Variants in PLD1 observed in about 807,000 individuals in gnomAD.
The protein encoded by PLD1 is phospholipase D1.
Under a neutral mutation model 137.1 loss-of-function variants are expected in PLD1, and 112 were observed. The ratio of observed to expected loss-of-function variants is 0.82; its 90% CI spans 0.70 to 0.96. The LOEUF is 0.96. Among genes scored for constraint, PLD1 ranks in the 40% least tolerant of loss-of-function variants. PLD1 has a pLI of 0.00. For missense variants in PLD1, 1,321 were observed against 1,342.0 expected (o/e 0.98, Z 0.24); for synonymous variants, 431 against 454.7 (o/e 0.95, Z 0.66).
intron 6 of PLD1, among the ~76,000 whole-genome samples, chr3:171,730,931 G>A (rs1035919761): frequency 1.8e-4 from 27 of 152,132 alleles, no homozygotes; most frequent in African/African-American, 4.1e-4. Context: ...GAGCCACTGC[G>A]CCCAGCCCTG....
chr3:171,635,962 C>CTTTTTTTTTT (rs1481093699), intron 23 of PLD1, among the ~76,000 whole-genome samples: 2 of 37,104 alleles, frequency 5.4e-5, no homozygotes, highest in Non-Finnish European at 1.2e-4. Flanking sequence ...AGGGGTTCAA[C>CTTTTTTTTTT]TTCTTTTTTT....
intron 23 of PLD1, among the ~76,000 whole-genome samples, chr3:171,639,583 C>CATATAATATATATTT (rs1560170054): frequency 1.5e-5 from 1 of 66,784 alleles, no homozygotes; most frequent in Non-Finnish European, 2.7e-5. Context: ...AATATATATT[C>CATATAATATATATTT]ATATAATATA....
At chr3:171,808,263 G>A (rs542847805) in intron 1 of PLD1, among the ~76,000 whole-genome samples, 2 of 152,162 alleles carry the variant, frequency 1.3e-5, no homozygotes, top group Non-Finnish European at 1.5e-5. Context: ...AGGGTCGGGT[G>A]CAGTGGCTCA....
intron 19 of PLD1, among the ~76,000 whole-genome samples, chr3:171,665,752 A>C (rs1432467806): frequency 6.6e-6 from 1 of 152,090 alleles, no homozygotes; most frequent in Admixed American, 6.6e-5. Context: ...GGAGAGCATA[A>C]TAAGAAAAAG....
intron 8 of PLD1, chr3:171,721,611 T>A (rs1718132004): frequency 6.6e-6 from 1 of 152,354 alleles, no homozygotes; most frequent in African/African-American, 2.4e-5. Context: ...GTGGTTGGCA[T>A]GTAGCAGCTG....
chr3:171,605,994 TTACATA>T (rs1732171820), intron 25 of PLD1, among the ~76,000 whole-genome samples: 1 of 152,216 alleles, frequency 6.6e-6, no homozygotes, highest in Non-Finnish European at 1.5e-5. Context: ...AGAATCTGAC[TTACATA>T]TTAAAATACG....
At chr3:171,774,700 C>T (rs1304883274) in intron 1 of PLD1, among the ~76,000 whole-genome samples, 1 of 152,156 alleles carries the variant, frequency 6.6e-6, no homozygotes, top group Non-Finnish European at 1.5e-5. Context: ...CCGTAAACCC[C>T]GCAGCAGCAT....
At chr3:171,802,496 T>C (rs562425082) in intron 1 of PLD1, among the ~76,000 whole-genome samples, 2 of 152,182 alleles carry the variant, frequency 1.3e-5, no homozygotes, top group South Asian at 2.1e-4. Context: ...TTAGGAGAAG[T>C]GTGCTCCAGG....
intron 12 of PLD1, among the ~76,000 whole-genome samples, chr3:171,692,777 G>A (rs1157321323): frequency 2.6e-5 from 4 of 151,982 alleles, no homozygotes; most frequent in South Asian, 2.1e-4. Flanking sequence ...CGCCTCAGCC[G>A]CTCAAAGTGC....
chr3:171,693,292 G>A (rs951100676), intron 12 of PLD1, among the ~76,000 whole-genome samples: 3 of 152,138 alleles, frequency 2.0e-5, no homozygotes, highest in Non-Finnish European at 2.9e-5. Flanking sequence ...TTCTTACGAC[G>A]TCTGCACATT....
At chr3:171,735,435 C>T in intron 4 of PLD1, 57 bp downstream of exon 4, 1 of 1,478,882 alleles carries the variant, frequency 6.8e-7, no homozygotes, top group Non-Finnish European at 9.5e-7. Context: ...CACACCCAGA[C>T]AAAATACACT....
intron 21 of PLD1, among the ~76,000 whole-genome samples, chr3:171,646,585 T>TA (rs893338746): frequency 7.0e-6 from 1 of 142,874 alleles, no homozygotes; most frequent in African/African-American, 2.6e-5. Context: ...AAGAAGACAT[T>TA]AAAAAATGTA....
chr3:171,746,050 C>A (rs1354751699), intron 1 of PLD1, among the ~76,000 whole-genome samples: 1 of 152,196 alleles, frequency 6.6e-6, no homozygotes, highest in Non-Finnish European at 1.5e-5. Flanking sequence ...GGAGGGTACG[C>A]CGGGTCCCCC....
chr3:171,710,651 G>T (rs1212060351), intron 9 of PLD1, among the ~76,000 whole-genome samples: 3 of 152,074 alleles, frequency 2.0e-5, no homozygotes, highest in Admixed American at 1.3e-4. Flanking sequence ...TACCCCGAGG[G>T]GGTTGGCGAC....
At chr3:171,605,561 C>T (rs950145303) in intron 25 of PLD1, 145 bp from the exon 26 acceptor site, 1 of 620,844 alleles carries the variant, frequency 1.6e-6, no homozygotes, top group African/African-American at 1.9e-5. Flanking sequence ...CTCATATCCT[C>T]AGAGTGCCTG....
chr3:171,716,647 T>C (rs1717706107), intron 8 of PLD1, among the ~76,000 whole-genome samples: 1 of 152,220 alleles, frequency 6.6e-6, no homozygotes, highest in South Asian at 2.1e-4. Context: ...TATTAGGTCT[T>C]TGTCAGAAGC....
chr3:171,721,912 A>G (rs1343362813), intron 8 of PLD1, among the ~76,000 whole-genome samples: 2 of 152,080 alleles, frequency 1.3e-5, no homozygotes, highest in African/African-American at 4.8e-5. Flanking sequence ...GGCCCAGCTT[A>G]ATGGTATTTT....
rs1578381863 is a variant in PLD1 at position 171,735,709 on chromosome 3, A to G, written c.289-72T>C. On this transcript the variant is annotated intron_variant, in intron 3 of 26. Coordinates refer to ENST00000351298, the MANE Select transcript of PLD1 (RefSeq NM_002662.5). ...ATTCCAAAAGCTTTCAGTGAACAAT[A>G]TTTAACTAGTAACAGAGAAGTATAC... The G allele has an allele frequency of 6.6e-5, 53 of 803,452 alleles. No homozygotes were observed. In the East Asian group the frequency reaches 1.3e-3, roughly 19 times the overall value. 49.8% of individuals were successfully genotyped at this position (803,452 alleles called of 1,614,324 possible). A position where few individuals can be genotyped will look rare whatever the true frequency, so the allele number is the denominator to read the frequency against.
At chr3:171,677,436 G>T in intron 17 of PLD1, 130 bp downstream of exon 17, 1 of 892,906 alleles carries the variant, frequency 1.1e-6, no homozygotes. Context: ...AGTCTCCAAA[G>T]TTTTAAAAAA....
Sources: gnomAD v4.1 joint callset for allele counts (sites outside exome capture counted in the v4.1 genomes callset) on GRCh38, gnomAD v4.1.1 for gene constraint, MANE v1.5 for transcripts, NCBI Gene and HGNC (gene_info 2026-07-23, HGNC 2026-07-21) for gene names.